Variants in MARK3 observed in about 807,000 individuals in gnomAD.
MARK3 encodes the protein MAP/microtubule affinity-regulating kinase 3.
A neutral mutation model predicts 90.1 loss-of-function variants in MARK3; 46 were observed. The ratio of observed to expected loss-of-function variants is 0.51; its 90% CI spans 0.40 to 0.65. The LOEUF (loss-of-function observed/expected upper bound fraction) is 0.65. Ranked by LOEUF, MARK3 falls within the 30% of genes least tolerant of loss-of-function variation. The pLI, the probability that MARK3 is intolerant of heterozygous loss-of-function variation, is 0.00. For missense variants in MARK3, 818 were observed against 947.2 expected, an observed-to-expected ratio of 0.86 and a Z score of 1.79; for synonymous variants, 321 against 332.6, an observed-to-expected ratio of 0.97 and a Z score of 0.38.
At chr14:103,488,090 G>A (rs2093960503) in intron 14 of MARK3, among the ~76,000 whole-genome samples, 2 of 152,060 alleles carry the variant, frequency 1.3e-5, no homozygotes, top group South Asian at 2.1e-4. Flanking sequence ...ATGTGTACGT[G>A]TGTCTGTACA....
chr14:103,393,017 C>G (rs1015192080), intron 1 of MARK3, among the ~76,000 whole-genome samples: 4 of 151,808 alleles, frequency 2.6e-5, no homozygotes, highest in African/African-American at 9.7e-5. Context: ...GAGTTTCACT[C>G]TTGTTGCCCG....
At chr14:103,483,053 A>G (rs1036611219) in intron 14 of MARK3, among the ~76,000 whole-genome samples, 1 of 152,208 alleles carries the variant, frequency 6.6e-6, no homozygotes, top group Admixed American at 6.5e-5. Context: ...ATTGGGTTTA[A>G]CTTCTTTAGT....
intron 15 of MARK3, among the ~76,000 whole-genome samples, chr14:103,497,997 A>G (rs529547842): frequency 5.9e-5 from 9 of 152,190 alleles, no homozygotes; most frequent in Non-Finnish European, 1.2e-4. Context: ...TGGGCTGATC[A>G]CTTGAGGCCA....
At chr14:103,408,240 G>A (rs1017923141) in intron 2 of MARK3, among the ~76,000 whole-genome samples, 3 of 152,174 alleles carry the variant, frequency 2.0e-5, no homozygotes, top group Non-Finnish European at 4.4e-5. Flanking sequence ...AGGCTGGAGT[G>A]CAGTGGCGTG....
intron 1 of MARK3, among the ~76,000 whole-genome samples, chr14:103,398,125 C>T (rs1450981303): frequency 6.6e-6 from 1 of 152,142 alleles, no homozygotes; most frequent in African/African-American, 2.4e-5. Flanking sequence ...CAGAGGTGCA[C>T]ATGTTAATTT....
chr14:103,492,112 A>T, intron 15 of MARK3, 78 bp downstream of exon 15: 1 of 1,504,852 alleles, frequency 6.6e-7, no homozygotes, highest in Non-Finnish European at 9.0e-7. Flanking sequence ...GTGTGAAGCC[A>T]CTGCTACCTG....
intron 7 of MARK3, among the ~76,000 whole-genome samples, chr14:103,464,785 C>T (rs2093472389): frequency 6.6e-6 from 1 of 152,030 alleles, no homozygotes; most frequent in South Asian, 2.1e-4. Flanking sequence ...CAGCCTCAAA[C>T]TCCCAGGCTT....
At chr14:103,398,080 TG>T (rs1303766851) in intron 1 of MARK3, among the ~76,000 whole-genome samples, 1 of 152,248 alleles carries the variant, frequency 6.6e-6, no homozygotes, top group Non-Finnish European at 1.5e-5. Context: ...AGCAGTGAGA[TG>T]TATGCATCTA....
chr14:103,451,701 C>T (rs1328553379), intron 4 of MARK3, among the ~76,000 whole-genome samples: 1 of 152,212 alleles, frequency 6.6e-6, no homozygotes, highest in Admixed American at 6.5e-5. Flanking sequence ...TCACACTGAA[C>T]ATTCAGAAAT....
chr14:103,424,122 A>G (rs2092319967), intron 2 of MARK3, among the ~76,000 whole-genome samples: 1 of 151,936 alleles, frequency 6.6e-6, no homozygotes, highest in Non-Finnish European at 1.5e-5. Flanking sequence ...AGGCACGAGA[A>G]TTGCTCGAAC....
At chr14:103,420,497 C>T (rs1289132813) in intron 2 of MARK3, among the ~76,000 whole-genome samples, 1 of 152,136 alleles carries the variant, frequency 6.6e-6, no homozygotes, top group African/African-American at 2.4e-5. Context: ...TCCCAAAGTG[C>T]TGGGATTAAA....
rs941283623 is a variant in MARK3 at position 103,385,949 on chromosome 14, C to A, written c.-81C>A. On this transcript the variant is annotated 5_prime_UTR_variant, in exon 1 of 18. Transcript: ENST00000429436. ...CGCCTTTTCGGAACTGCCGTGGACT[C>A]GAGGACGCTGGTCGCCGGCCTCCTA... The A allele has an allele frequency of 1.6e-5, 19 of 1,187,168 alleles. No individual in the cohort carries two copies. In the African/African-American group the frequency reaches 2.3e-4, roughly 14 times the overall value. 73.5% of individuals were successfully genotyped at this position (1,187,168 alleles called of 1,614,324 possible).
chr14:103,408,190 G>GC (rs906341660), intron 2 of MARK3, among the ~76,000 whole-genome samples: 116 of 151,976 alleles, frequency 7.6e-4, no homozygotes, highest in African/African-American at 2.7e-3. Context: ...TTTTTTGGCG[G>GC]GGGGGAGGTG....
At chr14:103,466,684 C>G (rs2093509433) in intron 10 of MARK3, among the ~76,000 whole-genome samples, 1 of 152,132 alleles carries the variant, frequency 6.6e-6, no homozygotes, top group South Asian at 2.1e-4. Flanking sequence ...TCTTTTAGGT[C>G]AAATGAAAAT....
chr14:103,415,400 A>G (rs1157743279), intron 2 of MARK3, among the ~76,000 whole-genome samples: 4 of 152,158 alleles, frequency 2.6e-5, no homozygotes, highest in Non-Finnish European at 5.9e-5. Flanking sequence ...CTCATTTTAT[A>G]TATTTTTAAA....
chr14:103,449,859 A>G (rs1381237843), intron 4 of MARK3, among the ~76,000 whole-genome samples: 2 of 152,228 alleles, frequency 1.3e-5, no homozygotes, highest in Admixed American at 1.3e-4. Flanking sequence ...AAGACAGCCC[A>G]TAATCAGCTT....
rs548866231 is a variant in MARK3, at chr14:103,481,556, G to A, written c.1586+1066G>A. Among the ~76,000 whole-genome samples the A allele has an allele frequency of 4.6e-5, 7 of 152,028 alleles. No homozygotes were observed. The South Asian group carries it at 1.0e-3, about 23-fold the overall frequency. ...CCACTTAGGATTGAGTTGATATGAG[G>A]AGTAACATTTGTTCTGTAAGATTAT... On this transcript the variant is annotated intron_variant, in intron 14 of 17. Coordinates refer to ENST00000429436, the MANE Select transcript of MARK3 (RefSeq NM_001128918.3).
Position 103,466,449 on chromosome 14 carries a change from A to G in MARK3, c.997+7A>G. The G allele has an allele frequency of 3.8e-6, 6 of 1,567,140 alleles. No individual in the cohort carries two copies. The highest frequency in any genetic ancestry group is 2.2e-5 in the East Asian group (1 of 44,602). ...TCAGACCAAAAAAGAATAGGTAATC[A>G]CTCCATGCCTGCATGTTCATGTGTT... On this transcript the variant is annotated splice_region_variant and intron_variant, in intron 10 of 17. Coordinates refer to ENST00000429436, the MANE Select transcript of MARK3 (RefSeq NM_001128918.3).
chr14:103,416,429 G>T (rs367899704), intron 2 of MARK3, among the ~76,000 whole-genome samples: 1 of 152,146 alleles, frequency 6.6e-6, no homozygotes, highest in South Asian at 2.1e-4. Flanking sequence ...TGAGGGGATG[G>T]TGGAGGCATT....
Sources: allele counts gnomAD v4.1 joint callset (sites outside exome capture counted in the v4.1 genomes callset), GRCh38; gene constraint gnomAD v4.1.1; transcripts MANE v1.5; gene names NCBI Gene and HGNC (gene_info 2026-07-23, HGNC 2026-07-21).